The following SORCS2 variants were observed in gnomAD, a reference collection of about 807,000 sequenced individuals.
The protein encoded by SORCS2 is VPS10 domain-containing receptor SorCS2.
SORCS2 carries 100 observed loss-of-function variants against 141.6 expected under a neutral mutation model. That is an observed-to-expected ratio of 0.71 (90% CI 0.60 to 0.83). The LOEUF (loss-of-function observed/expected upper bound fraction) is 0.83. Ranked by LOEUF, SORCS2 falls within the 40% of genes least tolerant of loss-of-function variation. The pLI, the probability that SORCS2 is intolerant of heterozygous loss-of-function variation, is 0.00. For missense variants in SORCS2, 1,646 were observed against 1,560.2 expected, an observed-to-expected ratio of 1.05 and a Z score of -0.93; for synonymous variants, 789 against 676.9, an observed-to-expected ratio of 1.17 and a Z score of -2.57.
intron 5 of SORCS2, 64 bp from the exon 6 acceptor site, chr4:7,661,436 G>T: frequency 6.6e-7 from 1 of 1,521,204 alleles, no homozygotes; most frequent in South Asian, 1.2e-5. Flanking sequence ...GGAGTGTGGG[G>T]AGCAGCTGGG....
chr4:7,232,500 A>G (rs552054986), intron 1 of SORCS2, among the ~76,000 whole-genome samples: 1 of 152,234 alleles, frequency 6.6e-6, no homozygotes, highest in Non-Finnish European at 1.5e-5. Context: ...TATTCTTTTC[A>G]TCATCTCTAC....
chr4:7,710,462 G>A (rs1489299997), intron 14 of SORCS2, among the ~76,000 whole-genome samples: 1 of 152,208 alleles, frequency 6.6e-6, no homozygotes, highest in African/African-American at 2.4e-5. Flanking sequence ...CAGGCCACAG[G>A]AGAGTGTGAG....
intron 3 of SORCS2, among the ~76,000 whole-genome samples, chr4:7,599,373 C>G (rs2108788901): frequency 6.6e-6 from 1 of 152,304 alleles, no homozygotes; most frequent in Non-Finnish European, 1.5e-5. Context: ...TCTGCAGCCT[C>G]AGAAACAGCA....
rs576946910 is a variant in SORCS2, at chr4:7,608,462, C to T, written c.649-29866C>T. 5.8e-4 allele frequency among the ~76,000 whole-genome samples: 88 copies of T among 152,332 alleles called. No individual in the cohort carries two copies. The South Asian group carries it at 0.018, about 31-fold the overall frequency. On this transcript the variant is annotated intron_variant, in intron 3 of 26. Transcript: ENST00000507866. The stretch of plus-strand genomic sequence containing the variant: ...TCTCTGTCACTTACTTGCTGAGCCC[C>T]TTGTTTCCCAGGACAACACCTGGCA...
At position 7,682,907 on chromosome 4, in the gene SORCS2, C is replaced by T. The variant is rs771247601; in HGVS notation, c.1488+18C>T. 6.2e-7 allele frequency: 1 copy of T among 1,607,762 alleles called. No individual in the cohort carries two copies. The stretch of plus-strand genomic sequence containing the variant: ...GCAAGCCTGTAAGTACCTCTGCTCA[C>T]ATCACACACCATCCTTGGCGTGGAT... On this transcript the variant is annotated intron_variant, in intron 10 of 26. Coordinates refer to ENST00000507866, the MANE Select transcript of SORCS2 (RefSeq NM_020777.3).
At chr4:7,405,112 G>C (rs1449381000) in intron 2 of SORCS2, among the ~76,000 whole-genome samples, 1 of 151,964 alleles carries the variant, frequency 6.6e-6, no homozygotes, top group East Asian at 1.9e-4. Context: ...TGAAGAGTGT[G>C]TGTTTTTCCT....
chr4:7,378,853 C>G (rs1722818494), intron 1 of SORCS2, among the ~76,000 whole-genome samples: 1 of 152,192 alleles, frequency 6.6e-6, no homozygotes, highest in African/African-American at 2.4e-5. Context: ...TTCTGTGACC[C>G]TGAATGAGAG....
intron 3 of SORCS2, among the ~76,000 whole-genome samples, chr4:7,554,108 C>A (rs4988585): frequency 0.96 from 146,610 of 152,090 alleles, 70,885 homozygotes; most frequent in East Asian, 1. Context: ...AAAAATCATA[C>A]GGAAAGGCCA....
rs765132758 is a variant in SORCS2, at chr4:7,676,824, T to TCTCTCTCTCTCTCTCTCTCCCC, written c.1341+600_1341+601insTCTCTCTCTCTCTCCCCCTCTC. ...TTCTGTCTCTCTCTCTCTCTCTCTC[T>TCTCTCTCTCTCTCTCTCTCCCC]CTCTCCCTCTCTCCACCCCAGCCCT... On this transcript the variant is annotated intron_variant, in intron 9 of 26. Coordinates refer to ENST00000507866, the MANE Select transcript of SORCS2 (RefSeq NM_020777.3). 1.3e-3 allele frequency among the ~76,000 whole-genome samples: 62 copies of TCTCTCTCTCTCTCTCTCTCCCC among 49,090 alleles called. 8 individuals are homozygous for TCTCTCTCTCTCTCTCTCTCCCC. The highest frequency in any genetic ancestry group is 5.0e-3 in the African/African-American group (57 of 11,306). 32.2% of individuals were successfully genotyped at this position (49,090 alleles called of 152,430 possible). A position where few individuals can be genotyped will look rare whatever the true frequency, so the allele number is the denominator to read the frequency against.
chr4:7,478,080 G>A (rs1349024810), intron 2 of SORCS2, among the ~76,000 whole-genome samples: 1 of 152,234 alleles, frequency 6.6e-6, no homozygotes, highest in African/African-American at 2.4e-5. Flanking sequence ...GACACAGGGT[G>A]TGGCAAAGGG....
chr4:7,664,496 G>A lies in SORCS2; in HGVS notation c.1071+25G>A. On this transcript the variant is annotated intron_variant, in intron 7 of 26. Transcript: ENST00000507866. The surrounding 1 kb of genome is among the most constrained non-coding windows in gnomAD (Gnocchi z 4.7). ...GGTAAGGTTGCTTCTGGGGCTTTTG[G>A]AAATTGGCAACAGGTGACGTGGCGG... The A allele has an allele frequency of 1.3e-6, 2 of 1,542,518 alleles. No individual in the cohort carries two copies. The highest frequency in any genetic ancestry group is 1.8e-6 in the Non-Finnish European group (2 of 1,133,140).
chr4:7,673,403 C>T (rs187769099), intron 8 of SORCS2, among the ~76,000 whole-genome samples: 6 of 152,314 alleles, frequency 3.9e-5, no homozygotes, highest in East Asian at 1.9e-4. Flanking sequence ...AGAACGCTGA[C>T]GGTTTCCCCG....
intron 1 of SORCS2, among the ~76,000 whole-genome samples, chr4:7,386,029 C>A (rs1252312972): frequency 6.6e-6 from 1 of 152,180 alleles, no homozygotes; most frequent in Non-Finnish European, 1.5e-5. Context: ...ATCCACTTTG[C>A]CAAGTGGAGC....
intron 3 of SORCS2, among the ~76,000 whole-genome samples, chr4:7,592,311 T>C (rs930134064): frequency 1.3e-5 from 2 of 152,150 alleles, no homozygotes; most frequent in African/African-American, 4.8e-5. Context: ...TGGAACCAAA[T>C]AGGCCGGTTC....
intron 2 of SORCS2, among the ~76,000 whole-genome samples, chr4:7,526,199 G>A (rs1188914861): frequency 6.6e-6 from 1 of 152,272 alleles, no homozygotes; most frequent in African/African-American, 2.4e-5. Context: ...TTTTCCAGGG[G>A]TCACGTGCCC....
At chr4:7,476,731 A>G (rs1730320182) in intron 2 of SORCS2, among the ~76,000 whole-genome samples, 2 of 151,526 alleles carry the variant, frequency 1.3e-5, no homozygotes, top group African/African-American at 4.9e-5. Flanking sequence ...CTCTTGCCAC[A>G]CCTCTCTAAG....
intron 8 of SORCS2, among the ~76,000 whole-genome samples, chr4:7,673,846 C>T (rs555216133): frequency 5.5e-4 from 83 of 152,106 alleles, no homozygotes; most frequent in Admixed American, 4.3e-3. Flanking sequence ...TAATCTCAGT[C>T]CCCCCACCAC....
intron 10 of SORCS2, among the ~76,000 whole-genome samples, chr4:7,683,584 G>A (rs1359716286): frequency 6.6e-6 from 1 of 152,210 alleles, no homozygotes; most frequent in Non-Finnish European, 1.5e-5. Context: ...AAGCCTGCTG[G>A]TACATCTGCT....
At chr4:7,355,487 C>T (rs1319087926) in intron 1 of SORCS2, among the ~76,000 whole-genome samples, 2 of 151,964 alleles carry the variant, frequency 1.3e-5, no homozygotes, top group South Asian at 4.2e-4. Flanking sequence ...AGTGGAGGGT[C>T]CAGGTGGGTG....
Sources: allele counts gnomAD v4.1 joint callset (sites outside exome capture counted in the v4.1 genomes callset), GRCh38; gene constraint gnomAD v4.1.1; non-coding constraint Gnocchi (gnomAD v3.1); transcripts MANE v1.5; gene names NCBI Gene and HGNC (gene_info 2026-07-23, HGNC 2026-07-21).